OPCML: variants seen among roughly 807,000 people sequenced by gnomAD.
OPCML encodes the protein opioid binding protein/cell adhesion molecule like.
In OPCML, 13 loss-of-function variants were observed where a neutral mutation model predicts 37.8. The observed-to-expected ratio is 0.34, with a 90% CI of 0.22 to 0.55. The LOEUF (loss-of-function observed/expected upper bound fraction) is 0.55. Ranked by LOEUF, OPCML falls within the 20% of genes least tolerant of loss-of-function variation. OPCML has a pLI of 0.91. For missense variants in OPCML, 341 were observed against 435.6 expected (o/e 0.78, Z 1.93); for synonymous variants, 176 against 168.8 (o/e 1.04, Z -0.33).
chr11:132,834,600 A>G (rs946301570), intron 2 of OPCML, among the ~76,000 whole-genome samples: 4 of 152,126 alleles, frequency 2.6e-5, no homozygotes, highest in African/African-American at 9.7e-5. Context: ...GTCTTTACAG[A>G]CTGTCTTCCC....
At chr11:132,478,971 A>T (rs778167642) in intron 4 of OPCML, among the ~76,000 whole-genome samples, 12 of 151,906 alleles carry the variant, frequency 7.9e-5, no homozygotes, top group Non-Finnish European at 1.6e-4. Context: ...TTTTTTTTTC[A>T]CAAGGAGATA....
At chr11:132,699,521 G>C (rs3019859) in intron 2 of OPCML, among the ~76,000 whole-genome samples, 85,751 of 151,804 alleles carry the variant, frequency 0.56, 24,669 homozygotes, top group African/African-American at 0.66. Flanking sequence ...AGGCACATTC[G>C]TTCTATAAAT....
chr11:133,352,933 A>T (rs963578817), intron 1 of OPCML, among the ~76,000 whole-genome samples: 12 of 152,196 alleles, frequency 7.9e-5, no homozygotes, highest in African/African-American at 2.4e-4. Context: ...TAAGCCTAAG[A>T]ATTCTTACCA....
At chr11:132,679,753 A>G (rs1163368711) in intron 2 of OPCML, among the ~76,000 whole-genome samples, 1 of 152,242 alleles carries the variant, frequency 6.6e-6, no homozygotes, top group Admixed American at 6.5e-5. Context: ...TATGGCATGT[A>G]AATTATATCA....
intron 1 of OPCML, among the ~76,000 whole-genome samples, chr11:133,107,945 T>C (rs1179820387): frequency 6.6e-6 from 1 of 152,162 alleles, no homozygotes; most frequent in Non-Finnish European, 1.5e-5. Flanking sequence ...CCACAGATGG[T>C]GTGGGTTGGG....
intron 1 of OPCML, among the ~76,000 whole-genome samples, chr11:133,194,205 C>CTTT (rs34797390): frequency 0.011 from 1,144 of 106,904 alleles, 39 homozygotes; most frequent in Middle Eastern, 0.022. Flanking sequence ...CCTTCCCCCA[C>CTTT]TTTTTTTTTT....
At chr11:132,738,657 T>C (rs1945334223) in intron 2 of OPCML, among the ~76,000 whole-genome samples, 1 of 152,214 alleles carries the variant, frequency 6.6e-6, no homozygotes, top group African/African-American at 2.4e-5. Flanking sequence ...TGTGGTTCTG[T>C]AGAATCAGAG....
intron 1 of OPCML, among the ~76,000 whole-genome samples, chr11:133,342,401 TGTACTAGAA>T (rs1180128037): frequency 3.3e-5 from 5 of 152,194 alleles, no homozygotes; most frequent in Non-Finnish European, 5.9e-5. Context: ...CCGCTGTCTC[TGTACTAGAA>T]ATCGAAGGCG....
At chr11:133,464,953 G>A (rs780683160) in intron 1 of OPCML, among the ~76,000 whole-genome samples, 12 of 152,154 alleles carry the variant, frequency 7.9e-5, no homozygotes, top group Non-Finnish European at 1.3e-4. Flanking sequence ...ACAGTGACAT[G>A]AGCGTGAGGG....
chr11:132,635,035 T>A (rs2135705184), intron 3 of OPCML, among the ~76,000 whole-genome samples: 1 of 152,282 alleles, frequency 6.6e-6, no homozygotes, highest in East Asian at 1.9e-4. Context: ...ATTTGTGCAA[T>A]TGTGTTTGGA....
At chr11:132,571,181 G>A (rs1433503564) in intron 3 of OPCML, among the ~76,000 whole-genome samples, 1 of 151,950 alleles carries the variant, frequency 6.6e-6, no homozygotes, top group Non-Finnish European at 1.5e-5. Context: ...TTGGCCTTTG[G>A]ACTCTGGGAC....
intron 2 of OPCML, among the ~76,000 whole-genome samples, chr11:132,705,830 G>A (rs926183983): frequency 2.0e-5 from 3 of 151,832 alleles, no homozygotes; most frequent in Non-Finnish European, 4.4e-5. Flanking sequence ...TCTTTTTCGA[G>A]ACAGTCTCAC....
At chr11:133,219,064 TCTCTGACCAG>T (rs1237834230) in intron 1 of OPCML, among the ~76,000 whole-genome samples, 30 of 152,336 alleles carry the variant, frequency 2.0e-4, no homozygotes, top group Middle Eastern at 6.8e-3. Flanking sequence ...ACTTCCTGTG[TCTCTGACCAG>T]CTGCCTTGAC....
intron 3 of OPCML, among the ~76,000 whole-genome samples, chr11:132,590,596 A>G (rs949801033): frequency 5.3e-5 from 8 of 152,240 alleles, no homozygotes; most frequent in Non-Finnish European, 1.2e-4. Context: ...TTCACGTTTT[A>G]CAGATAAAGT....
chr11:133,530,667 C>G (rs931128879), intron 1 of OPCML, among the ~76,000 whole-genome samples: 1 of 152,126 alleles, frequency 6.6e-6, no homozygotes, highest in African/African-American at 2.4e-5. Context: ...TCTGGAATAA[C>G]AACAACAGCA....
chr11:133,200,899 G>A (rs1412627432), intron 1 of OPCML, among the ~76,000 whole-genome samples: 3 of 152,116 alleles, frequency 2.0e-5, no homozygotes, highest in Non-Finnish European at 4.4e-5. Flanking sequence ...ATCAACGGTG[G>A]ACTGGATAAA....
chr11:132,938,886 A>T (rs184595576), intron 2 of OPCML, among the ~76,000 whole-genome samples: 69 of 152,284 alleles, frequency 4.5e-4, no homozygotes, highest in African/African-American at 1.6e-3. Flanking sequence ...ACTGGAAAAG[A>T]TGTTTTCAAT....
chr11:132,926,504 G>A (rs573590986), intron 2 of OPCML, among the ~76,000 whole-genome samples: 1 of 152,158 alleles, frequency 6.6e-6, no homozygotes, highest in Non-Finnish European at 1.5e-5. Context: ...AAAAAAGGAT[G>A]CACACAAGAC....
At chr11:132,682,241 G>A (rs546323650) in intron 2 of OPCML, among the ~76,000 whole-genome samples, 1 of 152,292 alleles carries the variant, frequency 6.6e-6, no homozygotes, top group East Asian at 1.9e-4. Context: ...ATGAGGCCTG[G>A]GAAGGCGTCA....
Sources: gnomAD v4.1 joint callset for allele counts (sites outside exome capture counted in the v4.1 genomes callset) on GRCh38, gnomAD v4.1.1 for gene constraint, MANE v1.5 for transcripts, NCBI Gene and HGNC (gene_info 2026-07-23, HGNC 2026-07-21) for gene names.